ADGRV1: variants seen among roughly 807,000 people sequenced by gnomAD.
ADGRV1 encodes adhesion G protein-coupled receptor V1.
Under a neutral mutation model 596.2 loss-of-function variants are expected in ADGRV1, and 359 were observed. The observed-to-expected ratio is 0.60, with a 90% CI of 0.55 to 0.66. ADGRV1 has a LOEUF of 0.66. Among genes scored for constraint, ADGRV1 ranks in the 30% least tolerant of loss-of-function variants. The pLI is 0.00. For synonymous variants in ADGRV1, 2,681 were observed against 2,679.2 expected (o/e 1.00, Z -0.02); for missense variants, 7,274 against 7,575.6 (o/e 0.96, Z 1.48).
At chr5:90,725,813 A>G (rs184692051) in intron 48 of ADGRV1, among the ~76,000 whole-genome samples, 157 bp downstream of exon 48, 17 of 152,308 alleles carry the variant, frequency 1.1e-4, no homozygotes, top group Admixed American at 2.6e-4. Flanking sequence ...GTTAAAAGTT[A>G]ATTTTTAAAT....
At chr5:90,791,589 C>A in intron 70 of ADGRV1, 1 of 476,692 alleles carries the variant, frequency 2.1e-6, no homozygotes, top group Admixed American at 3.6e-5. Context: ...TTAATACTTA[C>A]AAAGTTCTAG....
chr5:90,963,708 T>G (rs1362592002), intron 83 of ADGRV1, among the ~76,000 whole-genome samples: 1 of 151,394 alleles, frequency 6.6e-6, no homozygotes, highest in African/African-American at 2.4e-5. Flanking sequence ...CCAACTTCCT[T>G]CTATTATTGA....
intron 84 of ADGRV1, among the ~76,000 whole-genome samples, chr5:90,976,320 G>GTATATATATATA (rs1250040638): frequency 3.6e-5 from 4 of 110,424 alleles, no homozygotes; most frequent in African/African-American, 1.4e-4. Flanking sequence ...GTGTGTGTGT[G>GTATATATATATA]TGTATATATA....
chr5:90,812,163 T>C (rs1158174681), intron 74 of ADGRV1, among the ~76,000 whole-genome samples: 1 of 152,086 alleles, frequency 6.6e-6, no homozygotes, highest in East Asian at 1.9e-4. Context: ...CCTGACCTCG[T>C]GATCCACCTG....
At chr5:91,010,645 C>G (rs980653703) in intron 85 of ADGRV1, among the ~76,000 whole-genome samples, 1 of 151,984 alleles carries the variant, frequency 6.6e-6, no homozygotes, top group Non-Finnish European at 1.5e-5. Context: ...TCTGATTTAT[C>G]TGAAATGCTA....
chr5:90,766,924 G>A (rs1408668480), intron 59 of ADGRV1, among the ~76,000 whole-genome samples: 1 of 152,110 alleles, frequency 6.6e-6, no homozygotes, highest in African/African-American at 2.4e-5. Flanking sequence ...AAAAGAAGGT[G>A]GGGAAGCAGC....
chr5:90,815,952 AC>A (rs1762851084), intron 75 of ADGRV1, among the ~76,000 whole-genome samples: 1 of 152,176 alleles, frequency 6.6e-6, no homozygotes, highest in South Asian at 2.1e-4. Flanking sequence ...TTCATGAAGT[AC>A]CATACAAATA....
chr5:91,094,718 G>T (rs1330962495), intron 86 of ADGRV1, among the ~76,000 whole-genome samples: 1 of 152,152 alleles, frequency 6.6e-6, no homozygotes, highest in Non-Finnish European at 1.5e-5. Flanking sequence ...GGTGCGAATG[G>T]TGATACCAGT....
At chr5:90,686,800 A>C (rs1473129395) in intron 29 of ADGRV1, among the ~76,000 whole-genome samples, 1 of 152,162 alleles carries the variant, frequency 6.6e-6, no homozygotes, top group African/African-American at 2.4e-5. Context: ...GCTGACTTCC[A>C]CAATGGTTGA....
chr5:90,857,478 G>A (rs1018350710), intron 82 of ADGRV1, among the ~76,000 whole-genome samples: 3 of 152,048 alleles, frequency 2.0e-5, no homozygotes, highest in African/African-American at 7.2e-5. Context: ...TGAGTTTCCT[G>A]GAGAATCATT....
At chr5:91,051,000 G>C (rs1786270673) in intron 85 of ADGRV1, among the ~76,000 whole-genome samples, 1 of 152,198 alleles carries the variant, frequency 6.6e-6, no homozygotes, top group South Asian at 2.1e-4. Flanking sequence ...CTGACCTATA[G>C]CCAATGCTCA....
intron 83 of ADGRV1, among the ~76,000 whole-genome samples, chr5:90,867,633 T>C (rs187444391): frequency 6.6e-6 from 1 of 152,340 alleles, no homozygotes; most frequent in East Asian, 1.9e-4. Flanking sequence ...ACTTCCCAAA[T>C]GCTGGCTCCT....
At chr5:90,880,714 A>T (rs181524891) in intron 83 of ADGRV1, among the ~76,000 whole-genome samples, 29 of 152,344 alleles carry the variant, frequency 1.9e-4, no homozygotes, top group African/African-American at 7.0e-4. Flanking sequence ...TTCTCTGAAC[A>T]TTGTGGAATT....
At chr5:90,790,251 G>T (rs1188496879) in intron 69 of ADGRV1, among the ~76,000 whole-genome samples, 1 of 152,146 alleles carries the variant, frequency 6.6e-6, no homozygotes, top group Admixed American at 6.5e-5. Flanking sequence ...GTCTTTGCAT[G>T]TATATTTAGA....
chr5:90,786,616 C>G (rs1025179596), intron 67 of ADGRV1, among the ~76,000 whole-genome samples: 2 of 152,022 alleles, frequency 1.3e-5, no homozygotes, highest in African/African-American at 4.8e-5. Context: ...GATGGTGGCT[C>G]AGACAAGGTG....
chr5:90,963,265 T>C (rs1778179390), intron 83 of ADGRV1, among the ~76,000 whole-genome samples: 1 of 152,164 alleles, frequency 6.6e-6, no homozygotes, highest in African/African-American at 2.4e-5. Context: ...TGCTAAACCA[T>C]ACCATACTCT....
At chr5:91,008,756 C>T (rs1167349300) in intron 85 of ADGRV1, among the ~76,000 whole-genome samples, 1 of 152,060 alleles carries the variant, frequency 6.6e-6, no homozygotes, top group East Asian at 1.9e-4. Context: ...CCGTCTCGGT[C>T]ACTGAAAGTG....
chr5:90,997,697 A>G (rs113178061), intron 85 of ADGRV1, among the ~76,000 whole-genome samples: 1,833 of 152,298 alleles, frequency 0.012, 23 homozygotes, highest in Non-Finnish European at 0.018. Flanking sequence ...AGTACAGTGG[A>G]AAGAGCAGGG....
chr5:90,962,574 T>C (rs1778125692), intron 83 of ADGRV1, among the ~76,000 whole-genome samples: 1 of 152,230 alleles, frequency 6.6e-6, no homozygotes, highest in African/African-American at 2.4e-5. Flanking sequence ...TCTCATTTTA[T>C]TTCTGTCTTA....
Sources: gnomAD v4.1 joint callset for allele counts (sites outside exome capture counted in the v4.1 genomes callset) on GRCh38, gnomAD v4.1.1 for gene constraint, MANE v1.5 for transcripts, NCBI Gene and HGNC (gene_info 2026-07-23, HGNC 2026-07-21) for gene names.